RP1: variants seen among roughly 807,000 people sequenced by gnomAD.
RP1 encodes oxygen-regulated protein 1.
A neutral mutation model predicts 14.8 loss-of-function variants in RP1; 16 were observed. The observed-to-expected ratio is 1.08, with a 90% CI of 0.73 to 1.65. RP1 has a LOEUF of 1.65. Ranked by LOEUF, RP1 falls within the 40% of genes most tolerant of loss-of-function variation. RP1 has a pLI of 0.00. For synonymous variants in RP1, 876 were observed against 883.6 expected, an observed-to-expected ratio of 0.99 and a Z score of 0.15; for missense variants, 2,631 against 2,535.0, an observed-to-expected ratio of 1.04 and a Z score of -0.81.
intron 22 of RP1, among the ~76,000 whole-genome samples, chr8:54,759,922 T>G (rs1001402800): frequency 1.3e-5 from 2 of 152,138 alleles, no homozygotes; most frequent in African/African-American, 4.8e-5. Flanking sequence ...CCCTGTATCC[T>G]CTTTTTCCAA....
chr8:54,567,464 G>A (rs1255380153), intron 1 of RP1, among the ~76,000 whole-genome samples: 4 of 152,140 alleles, frequency 2.6e-5, no homozygotes, highest in Admixed American at 2.6e-4. Flanking sequence ...CTGAGGAAAA[G>A]TAAAGTAAAA....
At chr8:54,686,287 T>C (rs965001148) in intron 12 of RP1, among the ~76,000 whole-genome samples, 2 of 152,156 alleles carry the variant, frequency 1.3e-5, no homozygotes, top group African/African-American at 2.4e-5. Context: ...GCCTGGAAAG[T>C]GTTTTGATGA....
chr8:54,598,578 A>G (rs951822599), intron 1 of RP1, among the ~76,000 whole-genome samples: 1 of 152,004 alleles, frequency 6.6e-6, no homozygotes, highest in African/African-American at 2.4e-5. Context: ...TTCTTTCCTT[A>G]TATTCCCAAA....
At chr8:54,641,052 C>T (rs1806445117) in intron 3 of RP1, among the ~76,000 whole-genome samples, 1 of 149,216 alleles carries the variant, frequency 6.7e-6, no homozygotes, top group Admixed American at 6.8e-5. Context: ...TCACACCATT[C>T]TCCTTCCTCA....
chr8:54,765,045 C>T (rs537955684), intron 22 of RP1, among the ~76,000 whole-genome samples: 53 of 152,342 alleles, frequency 3.5e-4, no homozygotes, highest in East Asian at 2.3e-3. Flanking sequence ...TCCGCCTTGA[C>T]GGCCTGGCAG....
intron 19 of RP1, among the ~76,000 whole-genome samples, chr8:54,741,699 ATGTG>A (rs370666848): frequency 0.01 from 1,016 of 98,774 alleles, 47 homozygotes; most frequent in African/African-American, 0.041. Context: ...ATAAATACAA[ATGTG>A]TGTGTATATA....
At position 54,626,066 on chromosome 8, in the gene RP1, G is replaced by A; in HGVS notation, c.2184G>A (p.Glu728=). The change falls in exon 4 of 4, where the codon GAG becomes GAA. Residue 728 remains glutamate (E), a synonymous_variant. Transcript: ENST00000220676. Reference sequence around the variant, plus strand: ...CCCTTAAAGGAGGGATACTTTGTGAGGAAGACCTCCAGAAAAGTGATACTG... The same window carrying A: ...CCCTTAAAGGAGGGATACTTTGTGAAGAAGACCTCCAGAAAAGTGATACTG... ...DSPLKGGILC[E]EDLQKSDTVI... The A allele has an allele frequency of 6.2e-7, 1 of 1,613,514 alleles. No individual in the cohort carries two copies. The highest frequency in any genetic ancestry group is 2.2e-5 in the East Asian group (1 of 44,834).
At chr8:54,846,776 C>T (rs1016842534) in intron 25 of RP1, among the ~76,000 whole-genome samples, 10 of 152,096 alleles carry the variant, frequency 6.6e-5, no homozygotes, top group African/African-American at 1.4e-4. Context: ...TCTGAAGGTG[C>T]GAGGGCCACC....
At chr8:54,611,029 C>G (rs1157113036) in intron 1 of RP1, among the ~76,000 whole-genome samples, 1 of 152,152 alleles carries the variant, frequency 6.6e-6, no homozygotes, top group East Asian at 1.9e-4. Context: ...GCTGGCAGTT[C>G]TTTTCCCTTC....
At chr8:54,676,872 T>C (rs1169082437) in intron 8 of RP1, among the ~76,000 whole-genome samples, 2 of 152,192 alleles carry the variant, frequency 1.3e-5, no homozygotes, top group African/African-American at 4.8e-5. Flanking sequence ...CATTTTATTT[T>C]TCCTTAAAGG....
At chr8:54,821,302 T>C (rs1585720949) in intron 24 of RP1, among the ~76,000 whole-genome samples, 2 of 152,220 alleles carry the variant, frequency 1.3e-5, no homozygotes, top group East Asian at 1.9e-4. Context: ...TAGAAAGAGA[T>C]GCACACATCC....
intron 22 of RP1, among the ~76,000 whole-genome samples, chr8:54,760,118 T>C (rs911546207): frequency 3.3e-5 from 5 of 152,224 alleles, no homozygotes; most frequent in African/African-American, 1.2e-4. Flanking sequence ...CCCAAGATGA[T>C]TGGAGCTGAC....
At chr8:54,830,110 A>G (rs1266483023) in intron 24 of RP1, among the ~76,000 whole-genome samples, 3 of 152,172 alleles carry the variant, frequency 2.0e-5, no homozygotes, top group South Asian at 2.1e-4. Flanking sequence ...ATATCTATCA[A>G]TTATTGAGAG....
At chr8:54,857,054 A>G (rs1045864361) in exon 27 of RP1, 1 of 1,210,990 alleles carries the variant, frequency 8.3e-7, no homozygotes, top group Non-Finnish European at 1.0e-6. Flanking sequence ...TTAAGGCTGT[A>G]TCTCTCGGAA....
chr8:54,714,853 A>G (rs971021085), intron 15 of RP1, among the ~76,000 whole-genome samples: 15 of 152,222 alleles, frequency 9.9e-5, no homozygotes, highest in African/African-American at 3.4e-4. Context: ...CATGAAAGAG[A>G]TTTGAAGAAT....
At chr8:54,861,781 T>G (rs1054726587) in intron 27 of RP1, among the ~76,000 whole-genome samples, 2 of 152,140 alleles carry the variant, frequency 1.3e-5, no homozygotes, top group Admixed American at 6.5e-5. Flanking sequence ...TTTTTGTATT[T>G]TTAGTAGAGA....
chr8:54,627,132 C>T lies in RP1; in HGVS notation c.3250C>T (p.Pro1084Ser), dbSNP rs772039210. 1.9e-6 allele frequency: 3 copies of T among 1,614,060 alleles called. No individual in the cohort carries two copies. The highest frequency in any genetic ancestry group is 2.2e-5 in the South Asian group (2 of 91,072). Residue 1084 changes from proline (P) to serine (S), a missense_variant, in exon 4 of 4, where the codon CCA (proline) becomes TCA (serine). Physicochemically the swap from Pro to Ser is moderately conservative, Grantham distance 74. Coordinates refer to ENST00000220676, the MANE Select transcript of RP1 (RefSeq NM_006269.2). ...IEEETPKDLL[P>S]VLMLHQLQAS... ...AGAGGAAACTCCAAAAGACCTCTTA[C>T]CAGTCCTGATGCTTCACCAATTGCA...
At chr8:54,679,970 G>A in intron 12 of RP1, 2 of 1,512,010 alleles carry the variant, frequency 1.3e-6, no homozygotes, top group Non-Finnish European at 1.8e-6. Context: ...TGCTGGACAG[G>A]TCTGGGAGTT....
chr8:54,632,021 T>G (rs1211341202), downstream of RP1, among the ~76,000 whole-genome samples: 5 of 152,070 alleles, frequency 3.3e-5, no homozygotes, highest in Non-Finnish European at 1.5e-5. Context: ...TTTGTATTTT[T>G]AGTAGAGACG....
Sources: gnomAD v4.1 joint callset for allele counts (sites outside exome capture counted in the v4.1 genomes callset) on GRCh38, gnomAD v4.1.1 for gene constraint, MANE v1.5 for transcripts, NCBI Gene and HGNC (gene_info 2026-07-23, HGNC 2026-07-21) for gene names.